PHACTR1: variants seen among roughly 807,000 people sequenced by gnomAD.
PHACTR1 encodes the protein RPEL repeat containing 1.
PHACTR1 carries 16 observed loss-of-function variants against 69.2 expected under a neutral mutation model. That is an observed-to-expected ratio of 0.23 (90% confidence interval 0.16 to 0.35). The LOEUF is 0.35. Among genes scored for constraint, PHACTR1 ranks in the 10% least tolerant of loss-of-function variants. PHACTR1 has a pLI of 1.00. For synonymous variants in PHACTR1, 312 were observed against 284.5 expected, an observed-to-expected ratio of 1.10 and a Z score of -0.97; for missense variants, 510 against 734.7, an observed-to-expected ratio of 0.69 and a Z score of 3.54.
rs1779365854 is a variant in PHACTR1 at position 13,278,258 on chromosome 6, T to A, written c.1448-10T>A. Reference sequence around the variant, plus strand: ...CTGAAATAAAAAAACATCTTAAATATTTTTTTTAGCTCGGAATGAACAAGA... The same window carrying A: ...CTGAAATAAAAAAACATCTTAAATAATTTTTTTAGCTCGGAATGAACAAGA... On this transcript the variant is annotated splice_polypyrimidine_tract_variant and intron_variant, in intron 11 of 14. Coordinates refer to ENST00000332995, the MANE Select transcript of PHACTR1 (RefSeq NM_030948.6). 1 of 1,546,602 alleles carries A rather than the reference T, an allele frequency of 6.5e-7. No individual in the cohort carries two copies.
At chr6:13,232,937 C>A (rs11969387) in intron 10 of PHACTR1, among the ~76,000 whole-genome samples, 18,136 of 152,156 alleles carry the variant, frequency 0.12, 1,527 homozygotes, top group Admixed American at 0.24. Flanking sequence ...ATGTGAGGGG[C>A]AAATGAAGAT....
chr6:13,021,049 T>A (rs557048848), intron 4 of PHACTR1, among the ~76,000 whole-genome samples: 37 of 152,310 alleles, frequency 2.4e-4, no homozygotes, highest in African/African-American at 8.7e-4. Context: ...ATTTAAGGTA[T>A]GTAATTTAAT....
intron 10 of PHACTR1, among the ~76,000 whole-genome samples, chr6:13,235,537 T>C (rs1771861149): frequency 6.6e-6 from 1 of 152,210 alleles, no homozygotes. Flanking sequence ...ACTTCCTCAC[T>C]TTCCAGCCTA....
intron 4 of PHACTR1, among the ~76,000 whole-genome samples, chr6:13,002,367 AT>A (rs1204731542): frequency 6.6e-6 from 1 of 151,894 alleles, no homozygotes; most frequent in Non-Finnish European, 1.5e-5. Flanking sequence ...TCTCAGCTCT[AT>A]TTTTTTTATT....
In PHACTR1 at chr6:13,283,502, C is replaced by T. The variant is rs376680831; in HGVS notation, c.1590C>T (p.Asp530=). The change falls in exon 13 of 15, where the codon GAC becomes GAT. Residue 530 remains aspartate (D), a synonymous_variant. Transcript: ENST00000332995. The surrounding 1 kb of genome is among the most constrained non-coding windows in gnomAD (Gnocchi z 4.7). The part of the protein sequence containing the change: ...IRFSDYVEVA[D]AQDYDRRADK... ...TCAGTGACTACGTGGAGGTGGCTGA[C>T]GCTCAGGACTATGACCGCAGGGCAG... 9.7e-5 allele frequency: 157 copies of T among 1,613,788 alleles called. No homozygotes were observed. Among genetic ancestry groups the T allele is most frequent in the Middle Eastern group, 3.3e-4 (2 of 6,084 alleles).
At chr6:12,917,635 G>A (rs575264747) in intron 4 of PHACTR1, among the ~76,000 whole-genome samples, 6 of 152,154 alleles carry the variant, frequency 3.9e-5, no homozygotes, top group South Asian at 2.1e-4. Context: ...TGAGCCTATC[G>A]TCCCAGCTAT....
At chr6:13,110,977 A>C (rs1312807530) in intron 5 of PHACTR1, among the ~76,000 whole-genome samples, 1 of 151,762 alleles carries the variant, frequency 6.6e-6, no homozygotes, top group Admixed American at 6.6e-5. Context: ...TCTTTTCTAT[A>C]ATATTCAGGA....
intron 4 of PHACTR1, among the ~76,000 whole-genome samples, chr6:12,882,245 G>C (rs1273657494): frequency 3.3e-5 from 5 of 152,174 alleles, no homozygotes; most frequent in African/African-American, 9.6e-5. Flanking sequence ...GATGAAAGTG[G>C]CTGCTTGATT....
intron 5 of PHACTR1, among the ~76,000 whole-genome samples, chr6:13,064,606 CTATA>C (rs58590261): frequency 0.04 from 551 of 13,694 alleles, 104 homozygotes; most frequent in South Asian, 0.26. Flanking sequence ...ATATATATAT[CTATA>C]TATCTATCTA....
chr6:13,137,431 A>G (rs929820968), intron 5 of PHACTR1, among the ~76,000 whole-genome samples: 32 of 152,260 alleles, frequency 2.1e-4, no homozygotes, highest in African/African-American at 7.5e-4. Context: ...TGATAGAATA[A>G]ATGAATAACT....
In PHACTR1 at chr6:13,285,415, A is replaced by C. The variant is rs147910301; in HGVS notation, c.1651-731A>C. Among the ~76,000 whole-genome samples, 1,025 of 152,306 alleles carry C rather than the reference A, an allele frequency of 6.7e-3. 8 individuals carry two copies. Among genetic ancestry groups the C allele is most frequent in the African/African-American group, 0.023 (971 of 41,548 alleles). On this transcript the variant is annotated intron_variant, in intron 13 of 14. Transcript: ENST00000332995. ...CGGCCATAGACAGAGCTATGCAAGA[A>C]GGCACACGTTTGCAATTTCCACCCT...
rs940289904 is a variant in PHACTR1, at chr6:12,810,673, G to A, written c.250+60883G>A. ...CCATAGCCACCAGGTAGTGACTGCC[G>A]TGGTGTGCCCTGCTCATAGCTGAGG... On this transcript the variant is annotated intron_variant, in intron 4 of 14. Coordinates refer to ENST00000332995, the MANE Select transcript of PHACTR1 (RefSeq NM_030948.6). Among the ~76,000 whole-genome samples, 8 of 152,160 alleles carry A rather than the reference G, an allele frequency of 5.3e-5. No individual in the cohort carries two copies. The East Asian group carries it at 5.8e-4, about 11-fold the overall frequency.
intron 5 of PHACTR1, among the ~76,000 whole-genome samples, chr6:13,106,711 A>T (rs997245035): frequency 6.6e-6 from 1 of 151,764 alleles, no homozygotes; most frequent in African/African-American, 2.4e-5. Context: ...AAGTTAAGGA[A>T]TTTTTTTCAT....
chr6:13,096,255 T>G (rs1814228032), intron 5 of PHACTR1, among the ~76,000 whole-genome samples: 2 of 152,162 alleles, frequency 1.3e-5, no homozygotes, highest in Admixed American at 1.3e-4. Flanking sequence ...TTCCACCCCC[T>G]GGTGTTAGTT....
At chr6:13,124,610 C>T (rs1819235713) in intron 5 of PHACTR1, among the ~76,000 whole-genome samples, 1 of 152,308 alleles carries the variant, frequency 6.6e-6, no homozygotes, top group Non-Finnish European at 1.5e-5. Flanking sequence ...GACACAAACC[C>T]ATGTTTGTTA....
rs1765941044 is a variant in PHACTR1, at chr6:13,206,478, A to C, written c.986+342A>C. 2.0e-5 allele frequency among the ~76,000 whole-genome samples: 3 copies of C among 151,248 alleles called. No individual in the cohort carries two copies. In the South Asian group the frequency reaches 6.2e-4, roughly 31 times the overall value. On this transcript the variant is annotated intron_variant, in intron 8 of 14. Transcript: ENST00000332995. Reference sequence around the variant, plus strand: ...AATCTAACAAAACCAACTTAACCATAGACTAATTGATATAAACAAGACTTA... The same window carrying C: ...AATCTAACAAAACCAACTTAACCATCGACTAATTGATATAAACAAGACTTA...
chr6:13,138,137 A>G (rs1821846578), intron 5 of PHACTR1, among the ~76,000 whole-genome samples: 1 of 152,168 alleles, frequency 6.6e-6, no homozygotes, highest in South Asian at 2.1e-4. Context: ...AAGGAAACAT[A>G]CTGAAGGGCC....
At chr6:13,083,935 G>A (rs543743246) in intron 5 of PHACTR1, among the ~76,000 whole-genome samples, 54 of 151,992 alleles carry the variant, frequency 3.6e-4, no homozygotes, top group African/African-American at 1.1e-3. Context: ...AATGCCCTTT[G>A]TTCCCTTCTC....
At chr6:13,253,726 G>A (rs950779863) in intron 10 of PHACTR1, among the ~76,000 whole-genome samples, 4 of 152,210 alleles carry the variant, frequency 2.6e-5, no homozygotes, top group Middle Eastern at 3.2e-3. Flanking sequence ...TGGTGGGCAT[G>A]TTCGGTGGGT....
Sources: allele counts gnomAD v4.1 joint callset (sites outside exome capture counted in the v4.1 genomes callset), GRCh38; gene constraint gnomAD v4.1.1; non-coding constraint Gnocchi (gnomAD v3.1); transcripts MANE v1.5; gene names NCBI Gene and HGNC (gene_info 2026-07-23, HGNC 2026-07-21).